The following EFCAB7 variants were observed in gnomAD, a reference collection of about 807,000 sequenced individuals.
EFCAB7 encodes the protein EF-hand calcium-binding domain-containing protein 7.
EFCAB7 carries 66 observed loss-of-function variants against 77.1 expected under a neutral mutation model. That is an observed-to-expected ratio of 0.86 (90% CI 0.70 to 1.05). The LOEUF is 1.05. Ranked by LOEUF, EFCAB7 falls within the 50% of genes least tolerant of loss-of-function variation. EFCAB7 has a pLI of 0.00. For missense variants in EFCAB7, 638 were observed against 730.5 expected (o/e 0.87, Z 1.46); for synonymous variants, 225 against 243.3 (o/e 0.92, Z 0.70).
chr1:63,534,414 G>C, intron 6 of EFCAB7, 198 bp downstream of exon 6: 1 of 402,182 alleles, frequency 2.5e-6, no homozygotes, highest in Admixed American at 4.0e-5. Context: ...TCTTCAGTTT[G>C]AAAATGGTAA....
intron 6 of EFCAB7, among the ~76,000 whole-genome samples, chr1:63,538,415 A>G (rs1206887288): frequency 6.6e-6 from 1 of 151,816 alleles, no homozygotes; most frequent in Non-Finnish European, 1.5e-5. Context: ...AAAGCTTTGT[A>G]TGATTGAAAG....
the EFCAB7 span, among the ~76,000 whole-genome samples, chr1:63,581,376 G>A: frequency 2.0e-5 from 2 of 101,582 alleles, no homozygotes; most frequent in African/African-American, 4.3e-5. Context: ...CAAGAATCCC[G>A]TCTCTTAAAA....
intron 10 of EFCAB7, among the ~76,000 whole-genome samples, chr1:63,560,811 C>T (rs1451903412): frequency 6.6e-6 from 1 of 152,132 alleles, no homozygotes; most frequent in East Asian, 1.9e-4. Flanking sequence ...CGTGAGCCAC[C>T]GTGCCCGGCT....
rs201845018 is a variant in EFCAB7, at chr1:63,558,430, T to TC, written c.1348+1184dup. On this transcript the variant is annotated intron_variant, in intron 10 of 13. Transcript: ENST00000371088. ...ACTCTATGAAGTAGTACTTTATTAT[T>TC]CTCACTTTATAAATCAGGAAATAGA... 7.8e-3 allele frequency among the ~76,000 whole-genome samples: 1,187 copies of TC among 152,356 alleles called. 13 individuals carry two copies. The highest frequency in any genetic ancestry group is 0.026 in the African/African-American group (1,073 of 41,584).
chr1:63,572,647 A>G lies in EFCAB7; in HGVS notation c.*131A>G, dbSNP rs1330888723. ...TTCAATTTATATGCATTTTCATTTT[A>G]TGTCCATGGTATGTACTTTATTATT... On this transcript the variant is annotated 3_prime_UTR_variant, in exon 14 of 14. Coordinates refer to ENST00000371088, the MANE Select transcript of EFCAB7 (RefSeq NM_032437.4). The G allele has an allele frequency of 1.8e-6, 2 of 1,111,542 alleles. No individual in the cohort carries two copies. Among genetic ancestry groups the G allele is most frequent in the Non-Finnish European group, 2.3e-6 (2 of 856,116 alleles). The allele number at this position is 1,111,542 out of a possible 1,614,324, so 68.9% of individuals were successfully genotyped here. A position where few individuals can be genotyped will look rare whatever the true frequency, so the allele number is the denominator to read the frequency against.
rs1267998323 is a variant in EFCAB7, at chr1:63,562,607, C to T, written c.1497+750C>T. Among the ~76,000 whole-genome samples the T allele has an allele frequency of 9.4e-5, 14 of 149,348 alleles. No homozygotes were observed. The East Asian group carries it at 2.8e-3, about 29-fold the overall frequency. ...TTCAACCTCCTGGGCTCAAGTAAGCCTCCTGCCTCAGCCTCCTGAGTAGCT... is the reference window on the plus strand; with the variant it reads ...TTCAACCTCCTGGGCTCAAGTAAGCTTCCTGCCTCAGCCTCCTGAGTAGCT... On this transcript the variant is annotated intron_variant, in intron 11 of 13. Coordinates refer to ENST00000371088, the MANE Select transcript of EFCAB7 (RefSeq NM_032437.4).
intron 6 of EFCAB7, among the ~76,000 whole-genome samples, chr1:63,536,011 T>C (rs1025619106): frequency 1.2e-4 from 18 of 152,206 alleles, no homozygotes; most frequent in Middle Eastern, 3.4e-3. Context: ...AATGCCAAAA[T>C]TAGTCTGTAA....
At chr1:63,558,553 A>G (rs1647056347) in intron 10 of EFCAB7, among the ~76,000 whole-genome samples, 1 of 152,228 alleles carries the variant, frequency 6.6e-6, no homozygotes, top group Admixed American at 6.5e-5. Context: ...AGTCTCCAAG[A>G]GTTATTGACT....
chr1:63,560,892 T>C (rs963576616), intron 10 of EFCAB7, among the ~76,000 whole-genome samples: 1 of 152,210 alleles, frequency 6.6e-6, no homozygotes, highest in Non-Finnish European at 1.5e-5. Flanking sequence ...TTTCTCACAA[T>C]AATGCACACA....
At chr1:63,551,029 T>C (rs1646958449) in intron 7 of EFCAB7, 2 of 152,072 alleles carry the variant, frequency 1.3e-5, no homozygotes, top group South Asian at 2.1e-4. Flanking sequence ...CCTAAAGATA[T>C]AAATTTTGGG....
At chr1:63,563,336 G>A (rs1647132759) in intron 11 of EFCAB7, among the ~76,000 whole-genome samples, 1 of 152,178 alleles carries the variant, frequency 6.6e-6, no homozygotes, top group African/African-American at 2.4e-5. Context: ...AGTATCAATA[G>A]ATGATGAGAC....
rs145607626 is a variant in EFCAB7 at position 63,523,859 on chromosome 1, T to G, written c.-2+225T>G. Among the ~76,000 whole-genome samples the G allele has an allele frequency of 3.9e-5, 6 of 152,328 alleles. No homozygotes were observed. The East Asian group carries it at 7.7e-4, about 20-fold the overall frequency. On this transcript the variant is annotated intron_variant, in intron 1 of 13. Coordinates refer to ENST00000371088, the MANE Select transcript of EFCAB7 (RefSeq NM_032437.4). ...TATTTCACTGTGTAGGGACGGTGAC[T>G]GGACGGCTTTCTGTTTTCACTTGGC...
chr1:63,544,216 C>T (rs1325985331), intron 6 of EFCAB7, among the ~76,000 whole-genome samples: 6 of 152,006 alleles, frequency 3.9e-5, no homozygotes, highest in Admixed American at 3.3e-4. Flanking sequence ...GTGATCCACC[C>T]GCCTTGGCCT....
At position 63,555,478 on chromosome 1, in the gene EFCAB7, G is replaced by A. The variant is rs1319839927; in HGVS notation, c.1177G>A (p.Asp393Asn). The A allele has an allele frequency of 3.1e-6, 5 of 1,613,216 alleles. No homozygotes were observed. In the South Asian group the frequency reaches 5.5e-5, roughly 18 times the overall value. Residue 393 changes from aspartate to asparagine, a missense_variant, in exon 9 of 14, where the codon GAT becomes AAT. Transcript: ENST00000371088. ...VTDEAQLVYR[D>N]ETGELFLTKE... ...AGATGAAGCCCAACTTGTATATAGA[G>A]ATGAAACAGGGGAATTATTCCTTAC...
At chr1:63,573,249 C>T (rs1647320159), downstream of EFCAB7, among the ~76,000 whole-genome samples, 1 of 151,788 alleles carries the variant, frequency 6.6e-6, no homozygotes, top group Non-Finnish European at 1.5e-5. Flanking sequence ...GGCGTGGGAA[C>T]CTAGAGTGGG....
chr1:63,524,135 G>A (rs1273325129), intron 1 of EFCAB7, among the ~76,000 whole-genome samples: 1 of 152,186 alleles, frequency 6.6e-6, no homozygotes, highest in Admixed American at 6.5e-5. Flanking sequence ...GGATTTCCAT[G>A]TGAGGGAGTT....
At chr1:63,540,924 A>G (rs1447730432) in intron 6 of EFCAB7, among the ~76,000 whole-genome samples, 8 of 152,164 alleles carry the variant, frequency 5.3e-5, no homozygotes, top group Non-Finnish European at 1.2e-4. Flanking sequence ...ATTGAGAAAT[A>G]ACCAAAATGA....
At chr1:63,580,762 G>A in the EFCAB7 span, among the ~76,000 whole-genome samples, 90 of 152,160 alleles carry the variant, frequency 5.9e-4, no homozygotes, top group African/African-American at 2.1e-3. Context: ...TCAGCATTTT[G>A]TAGTTTTCAG....
intron 7 of EFCAB7, chr1:63,549,618 G>C: frequency 2.5e-6 from 1 of 408,072 alleles, no homozygotes; most frequent in South Asian, 2.0e-5. Flanking sequence ...TAAGTATTTA[G>C]ATATATCGCT....
Sources: allele counts gnomAD v4.1 joint callset (sites outside exome capture counted in the v4.1 genomes callset), GRCh38; gene constraint gnomAD v4.1.1; transcripts MANE v1.5; gene names NCBI Gene and HGNC (gene_info 2026-07-23, HGNC 2026-07-21).